The following AURKB variants were observed in gnomAD, a reference collection of about 807,000 sequenced individuals.
AURKB encodes aurora kinase B-Sv1.
In AURKB, 28 loss-of-function variants were observed where a neutral mutation model predicts 36.5. The observed-to-expected ratio is 0.77, with a 90% confidence interval of 0.57 to 1.05. The LOEUF (loss-of-function observed/expected upper bound fraction) is 1.05. AURKB is among the 50% of genes least tolerant of loss of function. The pLI is 0.00. For missense variants in AURKB, 383 were observed against 447.4 expected (o/e 0.86, Z 1.30); for synonymous variants, 175 against 172.9 (o/e 1.01, Z -0.09).
At chr17:8,209,845 G>GTTTT in intron 2 of AURKB, 5 of 361,340 alleles carry the variant, frequency 1.4e-5, no homozygotes, top group Admixed American at 4.7e-5. Flanking sequence ...TTGCTGTCTA[G>GTTTT]TTTTTTTTTT....
intron 5 of AURKB, 67 bp downstream of exon 5, chr17:8,207,109 G>C: frequency 6.5e-7 from 1 of 1,544,884 alleles, no homozygotes; most frequent in Non-Finnish European, 8.8e-7. Flanking sequence ...TGGATGAAGT[G>C]GGGCTGAATG....
chr17:8,209,475 A>C (rs1391559178), intron 2 of AURKB, among the ~76,000 whole-genome samples: 1 of 152,348 alleles, frequency 6.6e-6, no homozygotes, highest in South Asian at 2.1e-4. Flanking sequence ...AGGAAGCAAG[A>C]GCTCCAAAAA....
In AURKB at chr17:8,210,229, A is replaced by G; in HGVS notation, c.-5T>C. 1 of 1,604,668 alleles carries G rather than the reference A, an allele frequency of 6.2e-7. No homozygotes were observed. Among genetic ancestry groups the G allele is most frequent in the Non-Finnish European group, 8.5e-7 (1 of 1,176,124 alleles). The stretch of plus-strand genomic sequence containing the variant: ...GGAGTTCTCCTTCTGGGCCATCCTT[A>G]GAGAGAAAGGGGGAGGAGAGCTGGG... On this transcript the variant is annotated 5_prime_UTR_variant, in exon 2 of 9. Transcript: ENST00000585124.
chr17:8,205,084 C>T (rs768924008), intron 8 of AURKB, 40 bp from the exon 9 acceptor site: 3 of 1,559,934 alleles, frequency 1.9e-6, no homozygotes, highest in East Asian at 2.3e-5. Flanking sequence ...ATTAGTTTCA[C>T]CCTGGCTACA....
Position 8,206,747 on chromosome 17 carries a change from G to A in AURKB, c.537+3C>T. 6.2e-7 allele frequency: 1 copy of A among 1,613,688 alleles called. No individual in the cohort carries two copies. The highest frequency in any genetic ancestry group is 2.2e-5 in the East Asian group (1 of 44,876). On this transcript the variant is annotated splice_donor_region_variant and intron_variant, in intron 6 of 8. Transcript: ENST00000585124. The surrounding 1 kb of genome is among the most constrained non-coding windows in gnomAD (Gnocchi z 4.2). Reference sequence around the variant, plus strand: ...GGCGCCCCAGGTGCCCACCCGCCCGGACCGTGGCTGTTCGCTGCTCGTCAA... The same window carrying A: ...GGCGCCCCAGGTGCCCACCCGCCCGAACCGTGGCTGTTCGCTGCTCGTCAA...
Position 8,210,078 on chromosome 17 carries a change from A to T in AURKB, c.48+99T>A, listed in dbSNP as rs1219659818. ...GTACTTTGGAGCATAACGGGGAAGA[A>T]AGTGCTTAAAGGATTGCTCATTGCA... On this transcript the variant is annotated intron_variant, in intron 2 of 8. Coordinates refer to ENST00000585124, the MANE Select transcript of AURKB (RefSeq NM_004217.4). The T allele has an allele frequency of 2.0e-5, 30 of 1,470,474 alleles. No individual in the cohort carries two copies. The East Asian group carries it at 6.6e-4, about 32-fold the overall frequency. 91.1% of individuals were successfully genotyped at this position (1,470,474 alleles called of 1,614,324 possible). A position where few individuals can be genotyped will look rare whatever the true frequency, so the allele number is the denominator to read the frequency against.
At position 8,205,225 on chromosome 17, in the gene AURKB, G is replaced by GC. The variant is rs1399512160; in HGVS notation, c.851dup (p.Ile285HisfsTer27). Reference sequence around the variant, plus strand: ...CAGGCCGCCCTCCCACCTTGACGATGCGGCGATAGGTCTCGTTGTGTGATG... The same window carrying GC: ...CAGGCCGCCCTCCCACCTTGACGATGCCGGCGATAGGTCTCGTTGTGTGATG... On this transcript the variant is annotated frameshift_variant, in exon 8 of 9. Coordinates refer to ENST00000585124, the MANE Select transcript of AURKB (RefSeq NM_004217.4). LOFTEE classifies it high-confidence loss of function. The GC allele has an allele frequency of 6.2e-7, 1 of 1,612,578 alleles. No individual in the cohort carries two copies. Among genetic ancestry groups the GC allele is most frequent in the Non-Finnish European group, 8.5e-7 (1 of 1,179,048 alleles).
chr17:8,209,845 G>GT (rs879603218), intron 2 of AURKB: 51,801 of 349,734 alleles, frequency 0.15, 32 homozygotes, highest in Middle Eastern at 0.19. Flanking sequence ...TTGCTGTCTA[G>GT]TTTTTTTTTT....
chr17:8,207,051 C>A, intron 5 of AURKB, 125 bp downstream of exon 5: 1 of 1,444,830 alleles, frequency 6.9e-7, no homozygotes. Context: ...CTTGCCAGGA[C>A]TAAGAGCTAA....
intron 2 of AURKB, among the ~76,000 whole-genome samples, chr17:8,209,737 T>G (rs1034667406): frequency 5.3e-5 from 8 of 152,260 alleles, no homozygotes; most frequent in Admixed American, 3.9e-4. Context: ...TCCATTTAGA[T>G]TCTTACCTCA....
In AURKB at chr17:8,209,956, G is replaced by A. The variant is rs987023567; in HGVS notation, c.48+221C>T. On this transcript the variant is annotated intron_variant, in intron 2 of 8. Coordinates refer to ENST00000585124, the MANE Select transcript of AURKB (RefSeq NM_004217.4). ...ACGAGCCCTGCAGAGGTCCTCACCA[G>A]CTGGGAGTCACTGGCTGGTCAGATT... 12 of 623,858 alleles carry A rather than the reference G, an allele frequency of 1.9e-5. No individual in the cohort carries two copies. In the African/African-American group the frequency reaches 2.2e-4, roughly 11 times the overall value. 38.6% of individuals were successfully genotyped at this position (623,858 alleles called of 1,614,324 possible).
At position 8,204,946 on chromosome 17, in the gene AURKB, C is replaced by G; in HGVS notation, c.960G>C (p.Gln320His). 6.2e-7 allele frequency: 1 copy of G among 1,609,734 alleles called. No individual in the cohort carries two copies. Among genetic ancestry groups the G allele is most frequent in the Admixed American group, 1.7e-5 (1 of 57,836 alleles). Residue 320 changes from glutamine (Q) to histidine (H), a missense_variant, in exon 9 of 9, where the codon CAG becomes CAC. Physicochemically the swap from Gln to His is conservative, Grantham distance 24. Transcript: ENST00000585124. ...HNPSERLPLA[Q>H]VSAHPWVRAN... ...CCCGGACCCAAGGGTGGGCTGAGAC[C>G]TGGGCCAGGGGCAGCCGTTCCGAGG... is the stretch of plus-strand genomic sequence containing the variant.
intron 2 of AURKB, among the ~76,000 whole-genome samples, chr17:8,208,625 TAAATAAAA>T (rs1349582301): frequency 3.4e-5 from 5 of 148,368 alleles, no homozygotes. Context: ...AATAAATAAA[TAAATAAAA>T]AATAAATAAC....
At position 8,207,619 on chromosome 17, in the gene AURKB, G is replaced by C. The variant is rs1331070591; in HGVS notation, c.158C>G (p.Pro53Arg). ...SRSNVQPTAA[P>R]GQKVMENSSG... ...GCTATTCTCCATCACCTTCTGGCCA[G>C]GGGCAGCTAAGGAGAGAACAGGTAG... Residue 53 changes from proline to arginine, a missense_variant, in exon 4 of 9, where the codon CCT (proline) becomes CGT (arginine). By Grantham distance (103) the Pro-to-Arg change is moderately radical. Around this residue, in one of 3 missense-constraint regions of AURKB, gnomAD observed 105 missense variants for 95.7 expected, o/e 1.10. Transcript: ENST00000585124. 1.9e-6 allele frequency: 3 copies of C among 1,613,804 alleles called. No individual in the cohort carries two copies. The highest frequency in any genetic ancestry group is 2.5e-6 in the Non-Finnish European group (3 of 1,179,908).
Position 8,207,259 on chromosome 17 carries a change from G to A in AURKB, c.315C>T (p.Leu105=). The change falls in exon 5 of 9, where the codon CTC becomes CTT. Residue 105 remains leucine (L), a synonymous_variant. Transcript: ENST00000585124. ...REKKSHFIVA[L]KVLFKSQIEK... Reference sequence around the variant, plus strand: ...CTATCTGGGACTTGAAGAGGACCTTGAGCGCCACGATGAAATGGCTTTTCT... The same window carrying A: ...CTATCTGGGACTTGAAGAGGACCTTAAGCGCCACGATGAAATGGCTTTTCT... 1.2e-6 allele frequency: 2 copies of A among 1,614,120 alleles called. No individual in the cohort carries two copies. The highest frequency in any genetic ancestry group is 1.7e-6 in the Non-Finnish European group (2 of 1,180,018).
intron 2 of AURKB, among the ~76,000 whole-genome samples, chr17:8,209,023 A>T (rs1256373233): frequency 7.1e-5 from 10 of 141,106 alleles, no homozygotes; most frequent in South Asian, 2.2e-4. Flanking sequence ...CAACTTCTTC[A>T]TTTTTTTTTT....
intron 5 of AURKB, 127 bp downstream of exon 5, chr17:8,207,049 G>T: frequency 6.9e-7 from 1 of 1,441,704 alleles, no homozygotes; most frequent in Non-Finnish European, 9.3e-7. Context: ...GGCTTGCCAG[G>T]ACTAAGAGCT....
Position 8,205,400 on chromosome 17 carries a change from A to G in AURKB, c.687-10T>C, listed in dbSNP as rs772526165. The G allele has an allele frequency of 6.2e-7, 1 of 1,613,308 alleles. No individual in the cohort carries two copies. The highest frequency in any genetic ancestry group is 8.5e-7 in the Non-Finnish European group (1 of 1,179,652). On this transcript the variant is annotated splice_polypyrimidine_tract_variant and intron_variant, in intron 7 of 8. Coordinates refer to ENST00000585124, the MANE Select transcript of AURKB (RefSeq NM_004217.4). ...ACACATTGTCTTCCTCCTGGGAGGG[A>G]TAAGGGGCGTGGGCAGGGGTCCTAG...
rs754558313 is a variant in AURKB, at chr17:8,207,303, C to T, written c.271G>A (p.Val91Met). ...CTTTTCTTCTCCCGAGCCAAGTACA[C>T]GTTTCCAAACTTGCCTTTGCCCAGA... Reference protein sequence around the residue: ...RPLGKGKFGNVYLAREKKSHF... With the variant: ...RPLGKGKFGNMYLAREKKSHF... The change falls in exon 5 of 9, where the codon GTG becomes ATG. Residue 91 changes from valine (V) to methionine (M), a missense_variant. Around this residue, in one of 3 missense-constraint regions of AURKB, gnomAD observed 59 missense variants for 99.0 expected, o/e 0.60. Coordinates refer to ENST00000585124, the MANE Select transcript of AURKB (RefSeq NM_004217.4). 1.4e-5 allele frequency: 22 copies of T among 1,614,048 alleles called. No individual in the cohort carries two copies. The highest frequency in any genetic ancestry group is 1.7e-5 in the Non-Finnish European group (20 of 1,180,040).
Sources: gnomAD v4.1 joint callset for allele counts (sites outside exome capture counted in the v4.1 genomes callset) on GRCh38, gnomAD v4.1.1 for gene constraint, gnomAD v4.1.1 regional missense constraint, Gnocchi (gnomAD v3.1) non-coding constraint, MANE v1.5 for transcripts, NCBI Gene and HGNC (gene_info 2026-07-23, HGNC 2026-07-21) for gene names.